Variants in AGBL4 observed in about 807,000 individuals in gnomAD.
AGBL4 encodes the protein cytosolic carboxypeptidase 6.
In AGBL4, 58 loss-of-function variants were observed where a neutral mutation model predicts 66.4. That is an observed-to-expected ratio of 0.87 (90% CI 0.71 to 1.09). AGBL4 has a LOEUF of 1.09. Ranked by LOEUF, AGBL4 falls within the 50% of genes least tolerant of loss-of-function variation. The pLI, the probability that AGBL4 is intolerant of heterozygous loss-of-function variation, is 0.00. For synonymous variants in AGBL4, 234 were observed against 222.9 expected (o/e 1.05, Z -0.44); for missense variants, 579 against 631.0 (o/e 0.92, Z 0.88).
At chr1:49,910,946 AG>A (rs1363359153) in intron 1 of AGBL4, among the ~76,000 whole-genome samples, 1 of 152,260 alleles carries the variant, frequency 6.6e-6, no homozygotes, top group East Asian at 1.9e-4. Context: ...ACTTCCCTCC[AG>A]GCTGGGCAAC....
In AGBL4 at chr1:49,820,545, CA is replaced by C. The variant is rs554458294; in HGVS notation, c.157+30850del. 3.6e-3 allele frequency among the ~76,000 whole-genome samples: 551 copies of C among 152,242 alleles called. 3 individuals carry two copies. The highest frequency in any genetic ancestry group is 0.012 in the African/African-American group (498 of 41,558). ...GGAGGAATAAGATATGCTATGAATGCATGCAATAAGCCCTCACAGATCAGAT... is the reference window on the plus strand; with the variant it reads ...GGAGGAATAAGATATGCTATGAATGCTGCAATAAGCCCTCACAGATCAGAT... On this transcript the variant is annotated intron_variant, in intron 2 of 13. Transcript: ENST00000371839.
chr1:49,714,588 A>G (rs1337009122), intron 2 of AGBL4, among the ~76,000 whole-genome samples: 2 of 149,248 alleles, frequency 1.3e-5, no homozygotes, highest in Non-Finnish European at 3.0e-5. Flanking sequence ...ATATATATAT[A>G]TATATACACA....
intron 1 of AGBL4, among the ~76,000 whole-genome samples, chr1:49,989,333 G>A (rs541490480): frequency 6.6e-6 from 1 of 152,254 alleles, no homozygotes; most frequent in East Asian, 1.9e-4. Context: ...GCCCTAATCA[G>A]GCAGGAAAGG....
At chr1:49,479,613 AT>A (rs1646914015) in intron 3 of AGBL4, among the ~76,000 whole-genome samples, 1 of 151,776 alleles carries the variant, frequency 6.6e-6, no homozygotes. Context: ...AGCCCCATCC[AT>A]GTCATGCAAA....
At chr1:49,845,169 C>G (rs1244967659) in intron 2 of AGBL4, 2 of 1,412,472 alleles carry the variant, frequency 1.4e-6, no homozygotes, top group Non-Finnish European at 2.0e-6. Flanking sequence ...ATGAATGTCA[C>G]AAATGAGGAA....
chr1:49,709,693 T>C (rs188251565), intron 2 of AGBL4, among the ~76,000 whole-genome samples: 112 of 152,190 alleles, frequency 7.4e-4, no homozygotes, highest in African/African-American at 2.5e-3. Context: ...AATCTATCCA[T>C]CTGACAAAAA....
At chr1:48,662,797 T>C (rs1053772781) in intron 7 of AGBL4, among the ~76,000 whole-genome samples, 9 of 152,174 alleles carry the variant, frequency 5.9e-5, no homozygotes, top group Non-Finnish European at 1.3e-4. Flanking sequence ...CACATTGACC[T>C]GGGGCCAGAT....
chr1:48,546,304 G>A (rs1644158405), intron 11 of AGBL4, among the ~76,000 whole-genome samples: 1 of 152,310 alleles, frequency 6.6e-6, no homozygotes, highest in South Asian at 2.1e-4. Flanking sequence ...AACAGCGTGC[G>A]TATGTTGTTT....
intron 12 of AGBL4, 33 bp from the exon 13 acceptor site, chr1:48,534,949 C>A: frequency 1.3e-6 from 2 of 1,546,048 alleles, no homozygotes; most frequent in Non-Finnish European, 8.8e-7. Flanking sequence ...GTCCTTCCTG[C>A]CTCTTAGGCT....
At position 49,925,413 on chromosome 1, in the gene AGBL4, C is replaced by T. The variant is rs139151831; in HGVS notation, c.35-73895G>A. 1.1e-4 allele frequency among the ~76,000 whole-genome samples: 16 copies of T among 152,184 alleles called. No homozygotes were observed. In the East Asian group the frequency reaches 3.1e-3, roughly 29 times the overall value. ...CAACCAGGTGGTACAGGCTGTGGGT[C>T]TTGAGTGATAGTATGAGACATGCTG... On this transcript the variant is annotated intron_variant, in intron 1 of 13. Coordinates refer to ENST00000371839, the MANE Select transcript of AGBL4 (RefSeq NM_032785.4).
chr1:49,578,760 T>C (rs1245605896), intron 3 of AGBL4, among the ~76,000 whole-genome samples: 1 of 152,202 alleles, frequency 6.6e-6, no homozygotes, highest in African/African-American at 2.4e-5. Flanking sequence ...ATGACCTTTT[T>C]GCTGTCTTTA....
In AGBL4 at chr1:49,080,456, C is replaced by T. The variant is rs529692938; in HGVS notation, c.378-34656G>A. Among the ~76,000 whole-genome samples, 174 of 152,210 alleles carry T rather than the reference C, an allele frequency of 1.1e-3. 3 individuals carry two copies. In the South Asian group the frequency reaches 0.016, roughly 14 times the overall value. On this transcript the variant is annotated intron_variant, in intron 4 of 13. Transcript: ENST00000371839. ...AAGGACATAGCCAGCCCTCACTGAT[C>T]CCCAGTGAGGGAAATGAAGAAATGA...
intron 5 of AGBL4, among the ~76,000 whole-genome samples, chr1:48,922,759 G>A (rs1216742085): frequency 6.6e-6 from 1 of 151,940 alleles, no homozygotes; most frequent in Non-Finnish European, 1.5e-5. Flanking sequence ...TAAATTCTAG[G>A]AAATTTTTAA....
At chr1:49,377,666 GC>G (rs1466807646) in intron 3 of AGBL4, among the ~76,000 whole-genome samples, 2 of 152,062 alleles carry the variant, frequency 1.3e-5, no homozygotes, top group African/African-American at 4.8e-5. Flanking sequence ...TATAGCAATA[GC>G]AGTAGGTAGA....
At chr1:49,479,509 G>C (rs1431289186) in intron 3 of AGBL4, among the ~76,000 whole-genome samples, 1 of 151,614 alleles carries the variant, frequency 6.6e-6, no homozygotes, top group African/African-American at 2.4e-5. Context: ...CTATGTGTCT[G>C]TGTGTTATCA....
intron 4 of AGBL4, among the ~76,000 whole-genome samples, chr1:49,184,012 G>T (rs1322671316): frequency 6.6e-6 from 1 of 152,116 alleles, no homozygotes; most frequent in South Asian, 2.1e-4. Context: ...AAAGGTGAAG[G>T]TTTCTCAAGG....
chr1:48,859,643 T>G (rs1426479460), intron 6 of AGBL4, among the ~76,000 whole-genome samples: 1 of 152,212 alleles, frequency 6.6e-6, no homozygotes, highest in Non-Finnish European at 1.5e-5. Context: ...ACACAAAAGA[T>G]ACAAAGCATA....
At position 49,575,095 on chromosome 1, in the gene AGBL4, A is replaced by AT. The variant is rs1440171553; in HGVS notation, c.282+122217dup. 2.0e-5 allele frequency among the ~76,000 whole-genome samples: 3 copies of AT among 152,150 alleles called. No individual in the cohort carries two copies. The East Asian group carries it at 5.8e-4, about 29-fold the overall frequency. ...ATCCTTCCCCAAAGAGACCACTGGC[A>AT]TTTTGTCAGTGTAACTGTGCAACTG... On this transcript the variant is annotated intron_variant, in intron 3 of 13. Coordinates refer to ENST00000371839, the MANE Select transcript of AGBL4 (RefSeq NM_032785.4).
chr1:48,572,502 G>T (rs1162278611), intron 11 of AGBL4, among the ~76,000 whole-genome samples: 1 of 151,870 alleles, frequency 6.6e-6, no homozygotes, highest in Non-Finnish European at 1.5e-5. Context: ...GTAAGAGAGG[G>T]TGTAATAAAG....
Sources: allele counts gnomAD v4.1 joint callset (sites outside exome capture counted in the v4.1 genomes callset), GRCh38; gene constraint gnomAD v4.1.1; transcripts MANE v1.5; gene names NCBI Gene and HGNC (gene_info 2026-07-23, HGNC 2026-07-21).